Variants in ZMYM1 observed in about 807,000 individuals in gnomAD.
The protein encoded by ZMYM1 is zinc finger MYM-type containing 1.
ZMYM1 carries 39 observed loss-of-function variants against 60.0 expected under a neutral mutation model. That is an observed-to-expected ratio of 0.65 (90% CI 0.50 to 0.85). ZMYM1 has a LOEUF of 0.85. Ranked by LOEUF, ZMYM1 falls within the 40% of genes least tolerant of loss-of-function variation. ZMYM1 has a pLI of 0.00. For missense variants in ZMYM1, 1,171 were observed against 1,309.5 expected, an observed-to-expected ratio of 0.89 and a Z score of 1.63; for synonymous variants, 413 against 454.0, an observed-to-expected ratio of 0.91 and a Z score of 1.15.
intron 6 of ZMYM1, among the ~76,000 whole-genome samples, chr1:35,105,829 A>G (rs1643875964): frequency 6.6e-6 from 1 of 150,848 alleles, no homozygotes; most frequent in Non-Finnish European, 1.5e-5. Flanking sequence ...TTGTCTTACA[A>G]CTCCTGAACT....
upstream of ZMYM1, among the ~76,000 whole-genome samples, chr1:35,076,358 A>T (rs1642165990): frequency 6.6e-6 from 1 of 152,194 alleles, no homozygotes; most frequent in Non-Finnish European, 1.5e-5. Context: ...GTGGTGGCTC[A>T]CACCTGTAAT....
At chr1:35,067,939 C>T (rs12082709) in intron 1 of ZMYM1, among the ~76,000 whole-genome samples, 21,007 of 151,752 alleles carry the variant, frequency 0.14, 4,679 homozygotes, top group African/African-American at 0.47. Context: ...CCCCGATAAC[C>T]TATGGAAAAA....
At chr1:35,097,234 A>G in intron 3 of ZMYM1, 83 bp from the exon 4 acceptor site, 1 of 1,475,256 alleles carries the variant, frequency 6.8e-7, no homozygotes, top group Non-Finnish European at 9.1e-7. Context: ...TGTCTCTAAA[A>G]AAAGAAAGAA....
At chr1:35,096,546 T>C (rs893523042) in intron 3 of ZMYM1, among the ~76,000 whole-genome samples, 4 of 151,052 alleles carry the variant, frequency 2.6e-5, no homozygotes, top group Non-Finnish European at 4.4e-5. Context: ...TTTTTTTTTT[T>C]TCTGAGATGG....
intron 1 of ZMYM1, among the ~76,000 whole-genome samples, chr1:35,066,646 G>C (rs1641978311): frequency 6.6e-6 from 1 of 152,332 alleles, no homozygotes; most frequent in African/African-American, 2.4e-5. Flanking sequence ...AGCTATAGGT[G>C]TTCGTGATTG....
chr1:35,114,214 G>T lies in ZMYM1; in HGVS notation c.2384G>T (p.Ser795Ile). The T allele has an allele frequency of 6.2e-7, 1 of 1,613,442 alleles. No homozygotes were observed. The highest frequency in any genetic ancestry group is 8.5e-7 in the Non-Finnish European group (1 of 1,179,758). Residue 795 changes from serine (S) to isoleucine (I), a missense_variant, in exon 10 of 10, where the codon AGT (serine) becomes ATT (isoleucine). Physicochemically the swap from Ser to Ile is moderately radical, Grantham distance 142 (BLOSUM62 -2). Transcript: ENST00000359858. ...LANFRNIYRL[S>I]QNKTCKKHIS... ...AATTTTCGAAACATTTATAGGCTAA[G>T]TCAAAACAAAACATGCAAGAAACAT...
At chr1:35,088,458 G>A (rs12045660) in intron 1 of ZMYM1, among the ~76,000 whole-genome samples, 33,265 of 68,470 alleles carry the variant, frequency 0.49, 6,479 homozygotes, top group Non-Finnish European at 0.6. Flanking sequence ...ATATATATGT[G>A]TGTGTGTGTG....
chr1:35,073,118 G>A lies in ZMYM1; in HGVS notation c.-300-5876G>A, dbSNP rs548218499. Among the ~76,000 whole-genome samples the A allele has an allele frequency of 1.9e-3, 289 of 151,562 alleles. 2 individuals carry two copies. Among genetic ancestry groups the A allele is most frequent in the Non-Finnish European group, 3.6e-3 (246 of 67,836 alleles). On this transcript the variant is annotated intron_variant, in intron 1 of 10. Transcript: ENST00000417119. ...TACAAAAAATACGAAAAATTAGCCA[G>A]GCATGGTGGCACATGCCTGTAGTCC...
chr1:35,069,855 A>C (rs1295788184), intron 1 of ZMYM1, among the ~76,000 whole-genome samples: 2 of 152,148 alleles, frequency 1.3e-5, no homozygotes, highest in Non-Finnish European at 2.9e-5. Flanking sequence ...TCTTTTACCC[A>C]ATGTGTGCTC....
intron 1 of ZMYM1, among the ~76,000 whole-genome samples, chr1:35,088,434 G>GTATATA (rs58346528): frequency 0.18 from 12,162 of 67,406 alleles, 1,437 homozygotes; most frequent in Non-Finnish European, 0.28. Flanking sequence ...GTGTTTATGT[G>GTATATA]TATATATATA....
chr1:35,068,052 G>T (rs898995928), intron 1 of ZMYM1, among the ~76,000 whole-genome samples: 4 of 151,940 alleles, frequency 2.6e-5, no homozygotes, highest in South Asian at 2.1e-4. Flanking sequence ...CTCCCAAAGT[G>T]CTGGGATTAC....
intron 7 of ZMYM1, among the ~76,000 whole-genome samples, chr1:35,111,032 A>G (rs1268261947): frequency 2.0e-5 from 3 of 152,194 alleles, no homozygotes; most frequent in Non-Finnish European, 4.4e-5. Flanking sequence ...TTGAGCACCT[A>G]CTGCAAAACA....
At chr1:35,118,257 AAAG>A (rs1297866389), downstream of ZMYM1, among the ~76,000 whole-genome samples, 3 of 151,916 alleles carry the variant, frequency 2.0e-5, no homozygotes, top group Non-Finnish European at 4.4e-5. Flanking sequence ...AAAAAAAAAA[AAAG>A]AAAATAGAAG....
chr1:35,086,133 G>T (rs1001372159), intron 1 of ZMYM1, among the ~76,000 whole-genome samples: 1 of 152,076 alleles, frequency 6.6e-6, no homozygotes, highest in Admixed American at 6.6e-5. Context: ...AAATATTGAA[G>T]ATTTGAATTT....
intron 6 of ZMYM1, among the ~76,000 whole-genome samples, chr1:35,105,199 A>G (rs1019854990): frequency 9.1e-5 from 12 of 131,342 alleles, no homozygotes; most frequent in South Asian, 2.3e-4. Flanking sequence ...CGGTGGCGCG[A>G]TCTCGGCTCA....
intron 1 of ZMYM1, among the ~76,000 whole-genome samples, chr1:35,083,567 T>C (rs1015659752): frequency 3.3e-5 from 5 of 152,204 alleles, no homozygotes; most frequent in South Asian, 2.1e-4. Flanking sequence ...TGTGGTTTGA[T>C]GTTTTTCTTC....
Position 35,114,430 on chromosome 1 carries a change from G to A in ZMYM1, c.2600G>A (p.Arg867Gln), listed in dbSNP as rs764025094. The change falls in exon 10 of 10, where the codon CGA (arginine) becomes CAA (glutamine). Residue 867 changes from arginine to glutamine, a missense_variant. Physicochemically the swap from Arg to Gln is conservative, Grantham distance 43. Coordinates refer to ENST00000359858, the MANE Select transcript of ZMYM1 (RefSeq NM_024772.5). ...GTCTTTTGTTTGAAATTCCTGTATC[G>A]AGTGCTGAGTGTTACAGGAATTCTT... is the stretch of plus-strand genomic sequence containing the variant. ...EFVFCLKFLYRVLSVTGILSK... is the reference protein window; with the variant it reads ...EFVFCLKFLYQVLSVTGILSK... 6 of 1,613,374 alleles carry A rather than the reference G, an allele frequency of 3.7e-6. No homozygotes were observed. In the Admixed American group the frequency reaches 5.0e-5, roughly 13 times the overall value.
upstream of ZMYM1, among the ~76,000 whole-genome samples, chr1:35,076,320 T>G (rs1221841276): frequency 6.6e-6 from 1 of 151,950 alleles, no homozygotes; most frequent in Non-Finnish European, 1.5e-5. Context: ...ATGCCCCCAG[T>G]AAAAAAAGGT....
chr1:35,074,258 T>C (rs1439621000), intron 1 of ZMYM1, among the ~76,000 whole-genome samples: 1 of 152,200 alleles, frequency 6.6e-6, no homozygotes, highest in African/African-American at 2.4e-5. Context: ...TTCTTAAATT[T>C]GCTGAGATTT....
Sources: gnomAD v4.1 joint callset for allele counts (sites outside exome capture counted in the v4.1 genomes callset) on GRCh38, gnomAD v4.1.1 for gene constraint, MANE v1.5 for transcripts, NCBI Gene and HGNC (gene_info 2026-07-23, HGNC 2026-07-21) for gene names.